Variants in DSCAM observed in about 807,000 individuals in gnomAD.
DSCAM encodes DS cell adhesion molecule.
A neutral mutation model predicts 217.7 loss-of-function variants in DSCAM; 47 were observed. The ratio of observed to expected loss-of-function variants is 0.22; its 90% CI spans 0.17 to 0.28. DSCAM has a LOEUF of 0.28. DSCAM is among the 10% of genes least tolerant of loss of function. DSCAM has a pLI of 1.00. For missense variants in DSCAM, 2,080 were observed against 2,618.3 expected, an observed-to-expected ratio of 0.79 and a Z score of 4.49; for synonymous variants, 1,056 against 1,015.3, an observed-to-expected ratio of 1.04 and a Z score of -0.76.
chr21:40,666,371 C>A lies in DSCAM; in HGVS notation c.508+26439G>T, dbSNP rs74980499. The stretch of plus-strand genomic sequence containing the variant: ...CTCATCATTTTCCAGAGGAGAAAAC[C>A]GCGGAACAGAAGGGCTAAATAACTT... On this transcript the variant is annotated intron_variant, in intron 3 of 32. Transcript: ENST00000400454. Among the ~76,000 whole-genome samples, 631 of 152,184 alleles carry A rather than the reference C, an allele frequency of 4.1e-3. 4 individuals are homozygous for A. The highest frequency in any genetic ancestry group is 7.0e-3 in the Non-Finnish European group (479 of 68,012).
chr21:40,836,517 A>C (rs1264688460), intron 1 of DSCAM, among the ~76,000 whole-genome samples: 1 of 152,190 alleles, frequency 6.6e-6, no homozygotes, highest in East Asian at 1.9e-4. Context: ...CCAAATTCTT[A>C]TGGTGGTCAG....
intron 3 of DSCAM, among the ~76,000 whole-genome samples, chr21:40,510,655 T>C (rs1354027934): frequency 6.6e-6 from 1 of 152,226 alleles, no homozygotes; most frequent in Non-Finnish European, 1.5e-5. Flanking sequence ...TCCTTTTTCA[T>C]TGGAGGGTAC....
At chr21:40,636,566 T>C (rs2089761909) in intron 3 of DSCAM, among the ~76,000 whole-genome samples, 1 of 152,110 alleles carries the variant, frequency 6.6e-6, no homozygotes, top group South Asian at 2.1e-4. Context: ...ACTATAACCA[T>C]TCCTTTTTCC....
At position 40,271,132 on chromosome 21, in the gene DSCAM, C is replaced by T. The variant is rs73369845; in HGVS notation, c.2356+4965G>A. Among the ~76,000 whole-genome samples the T allele has an allele frequency of 3.3e-3, 504 of 152,334 alleles. 6 individuals are homozygous for T. The highest frequency in any genetic ancestry group is 0.012 in the African/African-American group (479 of 41,576). On this transcript the variant is annotated intron_variant, in intron 11 of 32. Coordinates refer to ENST00000400454, the MANE Select transcript of DSCAM (RefSeq NM_001389.5). ...GAGTTGGTGCATGCACATGTGTGCACTTGCATTCTGACAGTACAGAAATCT... is the reference window on the plus strand; with the variant it reads ...GAGTTGGTGCATGCACATGTGTGCATTTGCATTCTGACAGTACAGAAATCT...
chr21:40,552,688 T>A (rs951426972), intron 3 of DSCAM, among the ~76,000 whole-genome samples: 39 of 152,218 alleles, frequency 2.6e-4, no homozygotes, highest in African/African-American at 8.4e-4. Context: ...CATTTAAATC[T>A]AACACAGCTG....
intron 1 of DSCAM, among the ~76,000 whole-genome samples, chr21:40,766,050 T>C (rs920084846): frequency 6.6e-6 from 1 of 152,206 alleles, no homozygotes; most frequent in African/African-American, 2.4e-5. Flanking sequence ...AGCCAGCCTC[T>C]GGGAATAAAA....
At chr21:40,334,472 A>G (rs1432047205) in intron 8 of DSCAM, among the ~76,000 whole-genome samples, 1 of 152,058 alleles carries the variant, frequency 6.6e-6, no homozygotes, top group Non-Finnish European at 1.5e-5. Flanking sequence ...GACTGAATAG[A>G]CCTTCGAAAT....
At chr21:40,631,903 C>T (rs1392018128) in intron 3 of DSCAM, among the ~76,000 whole-genome samples, 2 of 152,240 alleles carry the variant, frequency 1.3e-5, no homozygotes, top group African/African-American at 4.8e-5. Flanking sequence ...TGACACTATC[C>T]TCGCCACCAT....
intron 1 of DSCAM, among the ~76,000 whole-genome samples, chr21:40,739,272 T>G: frequency 6.6e-6 from 1 of 152,098 alleles, no homozygotes; most frequent in African/African-American, 2.4e-5. Context: ...GCCATGCCCT[T>G]GAGGAGTCGG....
At chr21:40,362,992 T>G (rs2074784541) in intron 4 of DSCAM, among the ~76,000 whole-genome samples, 1 of 152,168 alleles carries the variant, frequency 6.6e-6, no homozygotes, top group African/African-American at 2.4e-5. Context: ...CCGCTTTATG[T>G]TGATTCCTAT....
At chr21:40,789,642 G>A (rs1465977654) in intron 1 of DSCAM, among the ~76,000 whole-genome samples, 4 of 147,296 alleles carry the variant, frequency 2.7e-5, no homozygotes, top group East Asian at 2.0e-4. Context: ...TGCAAGCTCC[G>A]CCTCCCGGGT....
At chr21:40,710,182 T>G (rs563159309) in intron 1 of DSCAM, among the ~76,000 whole-genome samples, 28 of 101,674 alleles carry the variant, frequency 2.8e-4, no homozygotes, top group African/African-American at 1.1e-3. Context: ...TTTGATGGGG[T>G]TTTTTTTCTT....
chr21:40,559,786 CTTT>C (rs548599799), intron 3 of DSCAM, among the ~76,000 whole-genome samples: 1,635 of 109,352 alleles, frequency 0.015, 9 homozygotes, highest in Non-Finnish European at 0.022. Context: ...AATTTTCTGT[CTTT>C]TTTTTTTTTT....
Position 40,347,795 on chromosome 21 carries a change from A to ATC in DSCAM, c.1083_1084dup (p.Ile362ArgfsTer11). On this transcript the variant is annotated frameshift_variant, in exon 6 of 33. Transcript: ENST00000400454. LOFTEE classifies it high-confidence loss of function. ...AAGGTTTTCGTGGTTGATCCCTGTG[A>ATC]TCCTCACATTTTTTCCAGGGTTGAG... 6.2e-7 allele frequency: 1 copy of ATC among 1,614,142 alleles called. No individual in the cohort carries two copies. The highest frequency in any genetic ancestry group is 1.1e-5 in the South Asian group (1 of 91,084).
intron 3 of DSCAM, among the ~76,000 whole-genome samples, chr21:40,379,337 C>T (rs536463716): frequency 5.3e-5 from 8 of 152,278 alleles, no homozygotes; most frequent in South Asian, 4.1e-4. Flanking sequence ...ACACAGTAGA[C>T]GTAAACCAAA....
Position 40,653,542 on chromosome 21 carries a change from C to T in DSCAM, c.508+39268G>A, listed in dbSNP as rs75019209. Among the ~76,000 whole-genome samples, 8 of 152,154 alleles carry T rather than the reference C, an allele frequency of 5.3e-5. No homozygotes were observed. The East Asian group carries it at 9.7e-4, about 18-fold the overall frequency. On this transcript the variant is annotated intron_variant, in intron 3 of 32. Coordinates refer to ENST00000400454, the MANE Select transcript of DSCAM (RefSeq NM_001389.5). ...AAACTTGGTAGCTGCAGATGCCGGC[C>T]GTGAATTGGTATCAGTGATGGAAAG... is the stretch of plus-strand genomic sequence containing the variant.
chr21:40,357,548 T>C (rs1440521939), intron 4 of DSCAM, among the ~76,000 whole-genome samples: 1 of 152,202 alleles, frequency 6.6e-6, no homozygotes, highest in African/African-American at 2.4e-5. Flanking sequence ...TTGCAGACCA[T>C]ATAAACACCA....
intron 3 of DSCAM, among the ~76,000 whole-genome samples, chr21:40,501,193 A>G (rs1568856915): frequency 6.6e-6 from 1 of 152,160 alleles, no homozygotes; most frequent in African/African-American, 2.4e-5. Flanking sequence ...TTTGGAATAT[A>G]CTCACACTAA....
At chr21:40,039,798 T>A (rs761309917) in intron 32 of DSCAM, among the ~76,000 whole-genome samples, 75 of 152,210 alleles carry the variant, frequency 4.9e-4, no homozygotes, top group Non-Finnish European at 9.6e-4. Flanking sequence ...CTGGGGATCA[T>A]AACTATTTGT....
Sources: gnomAD v4.1 joint callset for allele counts (sites outside exome capture counted in the v4.1 genomes callset) on GRCh38, gnomAD v4.1.1 for gene constraint, MANE v1.5 for transcripts, NCBI Gene and HGNC (gene_info 2026-07-23, HGNC 2026-07-21) for gene names.